FAM13A: variants seen among roughly 807,000 people sequenced by gnomAD.
FAM13A encodes protein FAM13A.
Under a neutral mutation model 129.6 loss-of-function variants are expected in FAM13A, and 76 were observed. The observed-to-expected ratio is 0.59, with a 90% CI of 0.49 to 0.71. The LOEUF (loss-of-function observed/expected upper bound fraction) is 0.71, where lower values mean the gene tolerates loss of function less well. Ranked by LOEUF, FAM13A falls within the 30% of genes least tolerant of loss-of-function variation. The probability of loss-of-function intolerance (pLI) is 0.00; values close to 1 mark genes in which losing one functional copy is unlikely to be tolerated. For synonymous variants in FAM13A, 443 were observed against 449.9 expected (o/e 0.98, Z 0.20); for missense variants, 1,108 against 1,249.3 (o/e 0.89, Z 1.70).
Position 88,805,059 on chromosome 4 carries a change from G to T in FAM13A, c.1008-7C>A. ...TCTTTCATCTTCCTGTGAACTAAAAGGAAAATAAATTTTGAATTAATATAA... is the reference window on the plus strand; with the variant it reads ...TCTTTCATCTTCCTGTGAACTAAAATGAAAATAAATTTTGAATTAATATAA... On this transcript the variant is annotated splice_polypyrimidine_tract_variant and splice_region_variant and intron_variant, in intron 7 of 23. Coordinates refer to ENST00000264344, the MANE Select transcript of FAM13A (RefSeq NM_014883.4). The T allele has an allele frequency of 6.9e-7, 1 of 1,457,372 alleles. No individual in the cohort carries two copies. 90.3% of individuals were successfully genotyped at this position (1,457,372 alleles called of 1,614,324 possible). A position where few individuals can be genotyped will look rare whatever the true frequency, so the allele number is the denominator to read the frequency against.
At chr4:89,045,278 AAAG>A (rs1455927814) in intron 1 of FAM13A, among the ~76,000 whole-genome samples, 1 of 152,186 alleles carries the variant, frequency 6.6e-6, no homozygotes, top group East Asian at 1.9e-4. Context: ...ATAAGAACAC[AAAG>A]AAGAACAGAA....
chr4:88,732,630 T>TA (rs61477444), intron 21 of FAM13A: 498 of 145,940 alleles, frequency 3.4e-3, no homozygotes, highest in African/African-American at 1.0e-2. Flanking sequence ...CAGATGGCTT[T>TA]AAAAAAAAAA....
chr4:89,046,141 C>T (rs2670626), intron 1 of FAM13A, among the ~76,000 whole-genome samples: 89,064 of 151,938 alleles, frequency 0.59, 26,674 homozygotes, highest in Middle Eastern at 0.68. Context: ...GAGAATACTG[C>T]ACACCTGAAC....
intron 3 of FAM13A, among the ~76,000 whole-genome samples, chr4:89,008,572 C>A (rs563553124): frequency 6.6e-6 from 1 of 152,196 alleles, no homozygotes; most frequent in Non-Finnish European, 1.5e-5. Context: ...CTGATTAATA[C>A]AAGCAGTATA....
chr4:88,923,363 T>A (rs1751467928), intron 5 of FAM13A, among the ~76,000 whole-genome samples: 1 of 152,172 alleles, frequency 6.6e-6, no homozygotes, highest in Admixed American at 6.5e-5. Flanking sequence ...CATGATCAAG[T>A]GGGCTTCATC....
chr4:88,735,329 CAAAT>C (rs1368883829), intron 21 of FAM13A, among the ~76,000 whole-genome samples: 2 of 152,090 alleles, frequency 1.3e-5, no homozygotes, highest in Non-Finnish European at 2.9e-5. Context: ...ATGTAATTAA[CAAAT>C]AATTATAAAA....
In FAM13A at chr4:88,732,864, G is replaced by C. The variant is rs115785482; in HGVS notation, c.2647-666C>G. Reference sequence around the variant, plus strand: ...GCATACAAGATTCTAAGAAAAGTATGATATTCTCGGTCTGTATTGATAATG... The same window carrying C: ...GCATACAAGATTCTAAGAAAAGTATCATATTCTCGGTCTGTATTGATAATG... On this transcript the variant is annotated intron_variant, in intron 21 of 23. Coordinates refer to ENST00000264344, the MANE Select transcript of FAM13A (RefSeq NM_014883.4). 4.2e-3 allele frequency among the ~76,000 whole-genome samples: 635 copies of C among 151,304 alleles called. 1 individual carries two copies. Among genetic ancestry groups the C allele is most frequent in the African/African-American group, 0.015 (616 of 41,182 alleles).
intron 4 of FAM13A, among the ~76,000 whole-genome samples, chr4:88,946,364 A>C (rs1755856301): frequency 6.7e-6 from 1 of 149,794 alleles, no homozygotes; most frequent in Non-Finnish European, 1.5e-5. Context: ...GCAGAAAGTA[A>C]AGCTGGCCTT....
At chr4:89,016,931 C>T (rs1219413942) in intron 3 of FAM13A, among the ~76,000 whole-genome samples, 1 of 152,180 alleles carries the variant, frequency 6.6e-6, no homozygotes, top group Non-Finnish European at 1.5e-5. Context: ...ACAGGCCAGG[C>T]CTACTGTACC....
chr4:88,884,088 G>T (rs544289553), intron 6 of FAM13A, among the ~76,000 whole-genome samples: 1 of 152,010 alleles, frequency 6.6e-6, no homozygotes, highest in East Asian at 1.9e-4. Flanking sequence ...ATTCAAAGAA[G>T]AATTGGTACC....
At chr4:88,975,909 A>T (rs1760837883) in intron 4 of FAM13A, among the ~76,000 whole-genome samples, 1 of 152,206 alleles carries the variant, frequency 6.6e-6, no homozygotes, top group Admixed American at 6.5e-5. Flanking sequence ...TCCAGGAGTC[A>T]GAAGACATTT....
chr4:88,903,942 T>A (rs1438977959), intron 6 of FAM13A, among the ~76,000 whole-genome samples: 1 of 151,896 alleles, frequency 6.6e-6, no homozygotes, highest in Non-Finnish European at 1.5e-5. Context: ...AAAAATCCTA[T>A]TAAAAAGTGG....
intron 22 of FAM13A, 92 bp from the exon 23 acceptor site, chr4:88,731,520 A>G: frequency 1.4e-6 from 1 of 690,836 alleles, no homozygotes; most frequent in East Asian, 2.7e-5. Flanking sequence ...CTGTGCAGAA[A>G]GGGGAGGCAA....
intron 6 of FAM13A, among the ~76,000 whole-genome samples, chr4:88,883,414 T>C (rs1743907391): frequency 6.6e-6 from 1 of 152,046 alleles, no homozygotes; most frequent in Admixed American, 6.6e-5. Context: ...TGAATGATCA[T>C]TGGGCCAACA....
At chr4:88,875,035 T>C (rs1475934796) in intron 6 of FAM13A, among the ~76,000 whole-genome samples, 3 of 152,088 alleles carry the variant, frequency 2.0e-5, no homozygotes, top group Non-Finnish European at 2.9e-5. Context: ...AAACAAGAAA[T>C]GGGGAAAGGA....
intron 6 of FAM13A, among the ~76,000 whole-genome samples, chr4:88,884,434 T>C (rs1744085125): frequency 6.6e-6 from 1 of 152,126 alleles, no homozygotes; most frequent in East Asian, 1.9e-4. Flanking sequence ...CAAAAAGTAT[T>C]TGACAAAATC....
chr4:88,816,309 G>A (rs1730712593), intron 7 of FAM13A, among the ~76,000 whole-genome samples: 1 of 152,126 alleles, frequency 6.6e-6, no homozygotes, highest in African/African-American at 2.4e-5. Context: ...TGCACTACAG[G>A]AATGCTTATA....
At chr4:88,914,044 T>G (rs1184114806) in intron 5 of FAM13A, among the ~76,000 whole-genome samples, 9 of 152,016 alleles carry the variant, frequency 5.9e-5, no homozygotes, top group Non-Finnish European at 5.9e-5. Context: ...CTTTGAGTCT[T>G]CCTTAAATTA....
chr4:88,868,275 T>C (rs1028822507), intron 6 of FAM13A, among the ~76,000 whole-genome samples: 1 of 152,188 alleles, frequency 6.6e-6, no homozygotes, highest in Non-Finnish European at 1.5e-5. Context: ...CCCCAAAAAC[T>C]TATCCTCTTC....
Sources: allele counts gnomAD v4.1 joint callset (sites outside exome capture counted in the v4.1 genomes callset), GRCh38; gene constraint gnomAD v4.1.1; transcripts MANE v1.5; gene names NCBI Gene and HGNC (gene_info 2026-07-23, HGNC 2026-07-21).